Variants in NPAS3 observed in about 807,000 individuals in gnomAD.
The protein encoded by NPAS3 is neuronal PAS domain protein 3.
NPAS3 carries 14 observed loss-of-function variants against 73.1 expected under a neutral mutation model. The ratio of observed to expected loss-of-function variants is 0.19; its 90% CI spans 0.13 to 0.30. NPAS3 has a LOEUF of 0.30. Ranked by LOEUF, NPAS3 falls within the 10% of genes least tolerant of loss-of-function variation. NPAS3 has a pLI of 1.00. For missense variants in NPAS3, 1,096 were observed against 1,250.0 expected (o/e 0.88, Z 1.86); for synonymous variants, 620 against 541.5 (o/e 1.14, Z -2.01).
chr14:33,152,094 T>TG (rs2044468692), intron 2 of NPAS3, among the ~76,000 whole-genome samples: 2 of 152,180 alleles, frequency 1.3e-5, no homozygotes, highest in African/African-American at 4.8e-5. Context: ...AGTGTGTATA[T>TG]GGGGTCTTCT....
intron 2 of NPAS3, among the ~76,000 whole-genome samples, chr14:33,165,180 T>A (rs1197985778): frequency 6.6e-6 from 1 of 152,088 alleles, no homozygotes; most frequent in African/African-American, 2.4e-5. Flanking sequence ...CGGAAAGCAC[T>A]GGGTGATTTA....
chr14:33,128,152 C>T (rs978262797), intron 2 of NPAS3, among the ~76,000 whole-genome samples: 4 of 152,114 alleles, frequency 2.6e-5, no homozygotes, highest in African/African-American at 9.7e-5. Flanking sequence ...GTGAACCTCA[C>T]TTAAATCCCA....
chr14:33,196,552 C>T (rs966170435), intron 2 of NPAS3, among the ~76,000 whole-genome samples: 2 of 152,176 alleles, frequency 1.3e-5, no homozygotes, highest in Admixed American at 6.5e-5. Flanking sequence ...AGATGGGTGG[C>T]TCTCCAGCGG....
intron 6 of NPAS3, among the ~76,000 whole-genome samples, chr14:33,701,007 G>A (rs1340476915): frequency 6.6e-6 from 1 of 152,196 alleles, no homozygotes; most frequent in Non-Finnish European, 1.5e-5. Context: ...TAGGCTAGTA[G>A]GAGAAGCACG....
intron 2 of NPAS3, among the ~76,000 whole-genome samples, chr14:33,082,233 G>C (rs1466215289): frequency 6.6e-6 from 1 of 152,070 alleles, no homozygotes; most frequent in African/African-American, 2.4e-5. Context: ...GACAATATTG[G>C]TTTGTTTGCC....
chr14:33,329,299 G>A lies in NPAS3; in HGVS notation c.386-37887G>A, dbSNP rs79917931. Among the ~76,000 whole-genome samples, 719 of 152,246 alleles carry A rather than the reference G, an allele frequency of 4.7e-3. 5 individuals carry two copies. Among genetic ancestry groups the A allele is most frequent in the South Asian group, 8.3e-3 (40 of 4,820 alleles). On this transcript the variant is annotated intron_variant, in intron 3 of 11. Transcript: ENST00000356141. ...TGGGGTGGGAGGAACAGACAGCAGC[G>A]AACAAGCAACTGCGCTACCAGCATG...
At chr14:33,189,014 G>A (rs2046076570) in intron 2 of NPAS3, among the ~76,000 whole-genome samples, 1 of 152,230 alleles carries the variant, frequency 6.6e-6, no homozygotes, top group Non-Finnish European at 1.5e-5. Context: ...GAGAAAACAG[G>A]ATTTTAAGTA....
intron 3 of NPAS3, among the ~76,000 whole-genome samples, chr14:33,228,547 T>C (rs1004052643): frequency 6.6e-6 from 1 of 152,186 alleles, no homozygotes; most frequent in African/African-American, 2.4e-5. Context: ...GATATCAATT[T>C]TTTGTTGTCA....
chr14:33,628,386 C>G (rs536465686), intron 5 of NPAS3, among the ~76,000 whole-genome samples: 2 of 152,270 alleles, frequency 1.3e-5, no homozygotes, highest in South Asian at 4.2e-4. Flanking sequence ...AATGTAAAGT[C>G]AATGAAGAAG....
chr14:33,774,297 TA>T, intron 7 of NPAS3, 39 bp from the exon 8 acceptor site: 1 of 1,530,772 alleles, frequency 6.5e-7, no homozygotes, highest in Non-Finnish European at 9.0e-7. Flanking sequence ...ATCTGGGATG[TA>T]AATTTGACTG....
chr14:33,432,544 C>A (rs142526769), intron 4 of NPAS3, among the ~76,000 whole-genome samples: 72 of 152,140 alleles, frequency 4.7e-4, no homozygotes, highest in Admixed American at 1.5e-3. Flanking sequence ...TTAAAAGTAC[C>A]ATGTTGACTC....
chr14:32,995,402 T>C (rs2139513559), intron 1 of NPAS3, among the ~76,000 whole-genome samples: 2 of 152,334 alleles, frequency 1.3e-5, no homozygotes, highest in East Asian at 3.9e-4. Flanking sequence ...TAGTCCTGGC[T>C]GAGGCCCTCT....
rs1158746309 is a variant in NPAS3 at position 33,558,624 on chromosome 14, A to G, written c.469-1497A>G. Among the ~76,000 whole-genome samples, 5 of 151,750 alleles carry G rather than the reference A, an allele frequency of 3.3e-5. No homozygotes were observed. The East Asian group carries it at 5.8e-4, about 18-fold the overall frequency. On this transcript the variant is annotated intron_variant, in intron 4 of 11. Coordinates refer to ENST00000356141, the Ensembl canonical transcript of NPAS3. ...TATGTGTGTGCATCTGTATGCATACATATATATACACATATATATATAAGA... is the reference window on the plus strand; with the variant it reads ...TATGTGTGTGCATCTGTATGCATACGTATATATACACATATATATATAAGA...
chr14:33,250,352 C>T (rs766916940), intron 3 of NPAS3, among the ~76,000 whole-genome samples: 1 of 152,054 alleles, frequency 6.6e-6, no homozygotes, highest in Admixed American at 6.6e-5. Context: ...GAGGATTTAT[C>T]TCTGTGGTAA....
chr14:32,938,486 T>TGAGAGAGAGAGAGA (rs369330767), upstream of NPAS3, among the ~76,000 whole-genome samples: 428 of 55,772 alleles, frequency 7.7e-3, 18 homozygotes, highest in Non-Finnish European at 0.01. Flanking sequence ...AGAGAGAAAT[T>TGAGAGAGAGAGAGA]GAGAGAGAGA....
chr14:33,151,731 A>G (rs2044451496), intron 2 of NPAS3, among the ~76,000 whole-genome samples: 1 of 152,224 alleles, frequency 6.6e-6, no homozygotes, highest in South Asian at 2.1e-4. Flanking sequence ...TCACATTCCT[A>G]CAAGTGTAGG....
At chr14:33,028,051 T>C (rs2039867263) in intron 1 of NPAS3, among the ~76,000 whole-genome samples, 1 of 152,222 alleles carries the variant, frequency 6.6e-6, no homozygotes, top group Non-Finnish European at 1.5e-5. Flanking sequence ...ATGTCACTTT[T>C]TTATGAATTC....
At chr14:33,485,927 A>G (rs983151404) in intron 4 of NPAS3, among the ~76,000 whole-genome samples, 1 of 151,862 alleles carries the variant, frequency 6.6e-6, no homozygotes, top group Non-Finnish European at 1.5e-5. Context: ...TGCCACCTCT[A>G]GGGGGTCATA....
chr14:33,620,417 C>T (rs912217258), intron 5 of NPAS3, among the ~76,000 whole-genome samples: 1 of 152,082 alleles, frequency 6.6e-6, no homozygotes, highest in Non-Finnish European at 1.5e-5. Context: ...CACTTCTGTT[C>T]TTATACCCAT....
Sources: allele counts gnomAD v4.1 joint callset (sites outside exome capture counted in the v4.1 genomes callset), GRCh38; gene constraint gnomAD v4.1.1; transcripts MANE v1.5; gene names NCBI Gene and HGNC (gene_info 2026-07-23, HGNC 2026-07-21).